Variants in SLC10A1 observed in about 807,000 individuals in gnomAD.
The protein encoded by SLC10A1 is solute carrier family 10 member 1.
A neutral mutation model predicts 20.5 loss-of-function variants in SLC10A1; 36 were observed. The observed-to-expected ratio is 1.75, with a 90% CI of 1.34 to 2.32. The LOEUF (loss-of-function observed/expected upper bound fraction) is 2.32, where lower values mean the gene tolerates loss of function less well. Ranked by LOEUF, SLC10A1 falls within the 30% of genes most tolerant of loss-of-function variation. The pLI, the probability that SLC10A1 is intolerant of heterozygous loss-of-function variation, is 0.00. For missense variants in SLC10A1, 545 were observed against 439.1 expected, an observed-to-expected ratio of 1.24 and a Z score of -2.16; for synonymous variants, 188 against 163.6, an observed-to-expected ratio of 1.15 and a Z score of -1.14.
intron 4 of SLC10A1, among the ~76,000 whole-genome samples, 155 bp downstream of exon 4, chr14:69,778,178 A>T (rs1278612101): frequency 6.6e-6 from 1 of 152,148 alleles, no homozygotes; most frequent in African/African-American, 2.4e-5. Flanking sequence ...TGGATCTTTA[A>T]TGCTTCTTGG....
At chr14:69,782,062 G>A (rs1475998586) in intron 2 of SLC10A1, among the ~76,000 whole-genome samples, 1 of 152,146 alleles carries the variant, frequency 6.6e-6, no homozygotes, top group African/African-American at 2.4e-5. Context: ...CATAGTCCTC[G>A]AAGAGCCATA....
intron 1 of SLC10A1, among the ~76,000 whole-genome samples, chr14:69,787,191 T>C (rs948284461): frequency 1.8e-4 from 24 of 135,664 alleles, no homozygotes; most frequent in Non-Finnish European, 2.9e-4. Flanking sequence ...TTAAAATAAA[T>C]TATGACACTC....
chr14:69,779,679 T>A lies in SLC10A1; in HGVS notation c.568-319A>T, dbSNP rs551883210. On this transcript the variant is annotated intron_variant, in intron 2 of 4. Coordinates refer to ENST00000216540, the MANE Select transcript of SLC10A1 (RefSeq NM_003049.4). ...TGCACCCAGCCCATCTTTTTAGATT[T>A]CGTATCAGTAGCTAGGAAGCTTGGG... Among the ~76,000 whole-genome samples the A allele has an allele frequency of 6.6e-5, 10 of 152,328 alleles. No individual in the cohort carries two copies. In the South Asian group the frequency reaches 2.1e-3, roughly 32 times the overall value.
At chr14:69,786,452 TA>T in intron 1 of SLC10A1, 145 bp from the exon 2 acceptor site, 1 of 652,860 alleles carries the variant, frequency 1.5e-6, no homozygotes, top group Middle Eastern at 4.2e-4. Flanking sequence ...GCAGTAAGCA[TA>T]CTATCTTCTT....
chr14:69,776,386 T>C lies in SLC10A1; in HGVS notation c.946A>G (p.Lys316Glu). The C allele has an allele frequency of 1.2e-6, 2 of 1,611,738 alleles. No individual in the cohort carries two copies. Among genetic ancestry groups the C allele is most frequent in the South Asian group, 2.2e-5 (2 of 90,982 alleles). Reference sequence around the variant, plus strand: ...GCAGCTGTGTAGATCATTTTTGTTTTATCTGTAAAGTTAAAAAGGGTTACA... The same window carrying C: ...GCAGCTGTGTAGATCATTTTTGTTTCATCTGTAAAGTTAAAAAGGGTTACA... ...CYEKFKTPKD[K>E]TKMIYTAATT... The change falls in exon 5 of 5, where the codon AAA becomes GAA. Residue 316 changes from lysine to glutamate, a missense_variant and splice_region_variant. Lys to Glu is a moderately conservative substitution (Grantham distance 56). Coordinates refer to ENST00000216540, the MANE Select transcript of SLC10A1 (RefSeq NM_003049.4).
intron 1 of SLC10A1, among the ~76,000 whole-genome samples, chr14:69,795,460 C>T (rs1330141224): frequency 1.4e-5 from 2 of 146,850 alleles, no homozygotes; most frequent in Non-Finnish European, 3.0e-5. Flanking sequence ...GGCTGGAGTG[C>T]AGTGGTGTGA....
intron 1 of SLC10A1, among the ~76,000 whole-genome samples, chr14:69,792,929 T>G (rs1882309033): frequency 6.6e-6 from 1 of 152,160 alleles, no homozygotes; most frequent in Non-Finnish European, 1.5e-5. Flanking sequence ...TCTATCTTGT[T>G]TATGAATATA....
chr14:69,778,263 A>G (rs977224045), intron 4 of SLC10A1, 70 bp downstream of exon 4: 2 of 1,346,540 alleles, frequency 1.5e-6, no homozygotes, highest in Non-Finnish European at 2.0e-6. Flanking sequence ...CCTGCTAGAA[A>G]CTTGCTTGTT....
chr14:69,797,230 C>T lies in SLC10A1; in HGVS notation c.-75G>A, dbSNP rs1385399003. 3.9e-6 allele frequency: 5 copies of T among 1,279,358 alleles called. No homozygotes were observed. The highest frequency in any genetic ancestry group is 5.5e-6 in the Non-Finnish European group (5 of 915,982). The allele number at this position is 1,279,358 out of a possible 1,614,324, so 79.3% of individuals were successfully genotyped here. ...TTTCTTGTGCAGTTCTTGCTGGATG[C>T]CTTCTTTAATCACCTCTCAGGACAG... On this transcript the variant is annotated 5_prime_UTR_variant, in exon 1 of 5. Coordinates refer to ENST00000216540, the MANE Select transcript of SLC10A1 (RefSeq NM_003049.4).
chr14:69,776,266 G>A lies in SLC10A1; in HGVS notation c.*16C>T, dbSNP rs765967864. 1.9e-6 allele frequency: 3 copies of A among 1,598,600 alleles called. No individual in the cohort carries two copies. The Admixed American group carries it at 5.1e-5, about 27-fold the overall frequency. ...GAATTGCTTTGGGACCAGAATCCAG[G>A]CCACCAGGGGAAGGGCTAGGCTGTG... On this transcript the variant is annotated 3_prime_UTR_variant, in exon 5 of 5. Coordinates refer to ENST00000216540, the MANE Select transcript of SLC10A1 (RefSeq NM_003049.4).
intron 4 of SLC10A1, 69 bp from the exon 5 acceptor site, chr14:69,776,457 T>C: frequency 7.9e-7 from 1 of 1,272,340 alleles, no homozygotes; most frequent in Non-Finnish European, 1.1e-6. Flanking sequence ...GCTTGTTTAA[T>C]CTGGAAAGTA....
At chr14:69,786,001 A>G (rs1232841990) in intron 2 of SLC10A1, 96 bp downstream of exon 2, 1 of 842,556 alleles carries the variant, frequency 1.2e-6, no homozygotes, top group African/African-American at 1.7e-5. Flanking sequence ...GTAGGAGCAT[A>G]TGTATGTTTA....
intron 1 of SLC10A1, among the ~76,000 whole-genome samples, chr14:69,792,011 G>A (rs1023006616): frequency 1.6e-4 from 25 of 151,618 alleles, no homozygotes; most frequent in African/African-American, 6.1e-4. Flanking sequence ...GAGTGCAGTG[G>A]CATGATTTTG....
chr14:69,788,376 C>T (rs1438415516), intron 1 of SLC10A1, among the ~76,000 whole-genome samples: 1 of 152,044 alleles, frequency 6.6e-6, no homozygotes, highest in Non-Finnish European at 1.5e-5. Context: ...TCTTAGACAT[C>T]TAAAGCACGA....
At chr14:69,786,380 A>G in intron 1 of SLC10A1, 73 bp from the exon 2 acceptor site, 1 of 1,239,448 alleles carries the variant, frequency 8.1e-7, no homozygotes, top group East Asian at 2.3e-5. Flanking sequence ...AGTGCCTGCT[A>G]AGTGCCACTG....
rs1442851438 is a variant in SLC10A1 at position 69,796,901 on chromosome 14, C to T, written c.255G>A (p.Leu85=). Residue 85 remains leucine, a synonymous_variant, in exon 1 of 5, where the codon CTG becomes CTA. Transcript: ENST00000216540. ...AGATGGCCAGTGCCTCAATGTTCTT[C>T]AGCCGGAAGACCTTGCCCAGCACAA... ...TAFVLGKVFR[L]KNIEALAILV... is the part of the protein sequence containing the mutation. 1 of 1,614,120 alleles carries T rather than the reference C, an allele frequency of 6.2e-7. No homozygotes were observed. Among genetic ancestry groups the T allele is most frequent in the East Asian group, 2.2e-5 (1 of 44,902 alleles).
intron 1 of SLC10A1, among the ~76,000 whole-genome samples, chr14:69,791,109 AAAG>A (rs950355909): frequency 6.6e-6 from 1 of 152,142 alleles, no homozygotes; most frequent in African/African-American, 2.4e-5. Flanking sequence ...AGGTATTAAA[AAAG>A]GCCTAAGTAA....
intron 1 of SLC10A1, among the ~76,000 whole-genome samples, chr14:69,787,663 T>C (rs1267699223): frequency 2.0e-5 from 3 of 151,954 alleles, no homozygotes; most frequent in Admixed American, 1.3e-4. Flanking sequence ...TCAAAGAAAA[T>C]TGTGAACTAG....
chr14:69,777,596 TTTTTTTTTTA>T (rs1464624483), intron 4 of SLC10A1, among the ~76,000 whole-genome samples: 2,510 of 103,316 alleles, frequency 0.024, 99 homozygotes, highest in African/African-American at 0.11. Flanking sequence ...TTTTTTTTTT[TTTTTTTTTTA>T]AAATTGGTGT....
Sources: gnomAD v4.1 joint callset for allele counts (sites outside exome capture counted in the v4.1 genomes callset) on GRCh38, gnomAD v4.1.1 for gene constraint, MANE v1.5 for transcripts, NCBI Gene and HGNC (gene_info 2026-07-23, HGNC 2026-07-21) for gene names.